RIN3: variants seen among roughly 807,000 people sequenced by gnomAD.
The protein encoded by RIN3 is Ras and Rab interactor 3, also known as RAB5 interacting protein 3.
In RIN3, 54 loss-of-function variants were observed where a neutral mutation model predicts 76.3. That is an observed-to-expected ratio of 0.71 (90% CI 0.57 to 0.89). The LOEUF (loss-of-function observed/expected upper bound fraction) is 0.89, where lower values mean the gene tolerates loss of function less well. Ranked by LOEUF, RIN3 falls within the 40% of genes least tolerant of loss-of-function variation. RIN3 has a pLI of 0.00. For missense variants in RIN3, 1,256 were observed against 1,322.1 expected, an observed-to-expected ratio of 0.95 and a Z score of 0.78; for synonymous variants, 576 against 564.0, an observed-to-expected ratio of 1.02 and a Z score of -0.30.
chr14:92,659,667 ATGATCGGCT>A (rs1887808006), intron 7 of RIN3, 198 bp downstream of exon 7: 1 of 494,676 alleles, frequency 2.0e-6, no homozygotes, highest in Non-Finnish European at 3.5e-6. Flanking sequence ...GAGGAGAGCC[ATGATCGGCT>A]GTTGCCCTGG....
chr14:92,557,812 A>G (rs1160656322), intron 2 of RIN3, among the ~76,000 whole-genome samples: 1 of 152,218 alleles, frequency 6.6e-6, no homozygotes, highest in African/African-American at 2.4e-5. Context: ...GTTCTCAGGA[A>G]TGAGCTTCCC....
intron 3 of RIN3, among the ~76,000 whole-genome samples, chr14:92,582,888 CT>C (rs1187894994): frequency 6.6e-6 from 1 of 152,168 alleles, no homozygotes; most frequent in Non-Finnish European, 1.5e-5. Context: ...GCTCCTGCCT[CT>C]TTGCTCTCTT....
At chr14:92,547,498 G>A (rs1462754784) in intron 1 of RIN3, among the ~76,000 whole-genome samples, 1 of 150,100 alleles carries the variant, frequency 6.7e-6, no homozygotes, top group Non-Finnish European at 1.5e-5. Flanking sequence ...AGGCTCAAGC[G>A]ATCCTCCTGC....
chr14:92,556,891 T>C (rs1897599756), intron 2 of RIN3, among the ~76,000 whole-genome samples: 1 of 152,188 alleles, frequency 6.6e-6, no homozygotes, highest in Non-Finnish European at 1.5e-5. Context: ...GAAATTCACA[T>C]AATATAAAAT....
intron 2 of RIN3, among the ~76,000 whole-genome samples, chr14:92,573,393 A>G (rs1054137079): frequency 6.6e-6 from 1 of 152,216 alleles, no homozygotes; most frequent in Non-Finnish European, 1.5e-5. Context: ...TGTGTTCACC[A>G]GCCAGAAAGT....
At chr14:92,666,904 C>T (rs1265252163) in intron 7 of RIN3, among the ~76,000 whole-genome samples, 3 of 152,334 alleles carry the variant, frequency 2.0e-5, no homozygotes, top group Admixed American at 6.5e-5. Context: ...ATACCACCCA[C>T]GTGAGCTTCT....
chr14:92,578,927 T>C (rs959140740), intron 3 of RIN3, among the ~76,000 whole-genome samples: 1 of 151,904 alleles, frequency 6.6e-6, no homozygotes, highest in Non-Finnish European at 1.5e-5. Flanking sequence ...TTTATTCTTT[T>C]CTTTTCTTTT....
intron 1 of RIN3, among the ~76,000 whole-genome samples, chr14:92,535,334 C>CTTT (rs5810602): frequency 8.5e-5 from 11 of 129,982 alleles, no homozygotes; most frequent in East Asian, 4.2e-4. Context: ...TTCTTTCTTT[C>CTTT]TTTTTTTTTT....
chr14:92,679,971 CTGCAG>C (rs1251343475), intron 8 of RIN3, among the ~76,000 whole-genome samples: 18 of 152,298 alleles, frequency 1.2e-4, no homozygotes, highest in Non-Finnish European at 2.5e-4. Flanking sequence ...CTCTCGTATT[CTGCAG>C]TGGTGGCTTG....
chr14:92,556,574 A>C (rs1897588720), intron 2 of RIN3, among the ~76,000 whole-genome samples: 1 of 145,190 alleles, frequency 6.9e-6, no homozygotes, highest in South Asian at 2.3e-4. Context: ...ATGGACAGAC[A>C]GACAGATGGA....
At chr14:92,613,195 G>A (rs1300180402) in intron 3 of RIN3, among the ~76,000 whole-genome samples, 1 of 152,066 alleles carries the variant, frequency 6.6e-6, no homozygotes, top group African/African-American at 2.4e-5. Flanking sequence ...TCCCCTCTCT[G>A]CTGCCGGAAG....
intron 1 of RIN3, among the ~76,000 whole-genome samples, chr14:92,535,906 T>A (rs1896989766): frequency 6.6e-6 from 1 of 152,012 alleles, no homozygotes; most frequent in East Asian, 1.9e-4. Flanking sequence ...TGGAACTGAT[T>A]TTTTAAGTTG....
At chr14:92,687,441 G>C (rs111989600) in intron 9 of RIN3, 9 of 155,200 alleles carry the variant, frequency 5.8e-5, no homozygotes, top group African/African-American at 1.9e-4. Flanking sequence ...CCTGCCCCAC[G>C]CAGCTCCTCA....
At chr14:92,613,924 G>A (rs182395119) in intron 3 of RIN3, among the ~76,000 whole-genome samples, 1 of 152,348 alleles carries the variant, frequency 6.6e-6, no homozygotes, top group Admixed American at 6.5e-5. Context: ...ATTTGAGTGT[G>A]AGGATGAGTC....
intron 2 of RIN3, among the ~76,000 whole-genome samples, chr14:92,561,306 A>G (rs984198892): frequency 1.3e-5 from 2 of 151,272 alleles, no homozygotes; most frequent in Admixed American, 1.3e-4. Context: ...CTAGGGATTC[A>G]GGCCCTTTGT....
In RIN3 at chr14:92,555,917, G is replaced by A; in HGVS notation, c.211G>A (p.Ala71Thr). 6.2e-7 allele frequency: 1 copy of A among 1,613,556 alleles called. No individual in the cohort carries two copies. Among genetic ancestry groups the A allele is most frequent in the Non-Finnish European group, 8.5e-7 (1 of 1,180,016 alleles). Residue 71 changes from alanine to threonine, a missense_variant, in exon 2 of 10, where the codon GCA becomes ACA. Ala to Thr is a moderately conservative substitution (Grantham distance 58). Transcript: ENST00000216487. ...PVWLQLSLGQAEVARILHRVV... is the reference protein window; with the variant it reads ...PVWLQLSLGQTEVARILHRVV... ...GTGGCTGCAGCTGAGTCTGGGCCAG[G>A]CAGAGGTGGCCAGGATCCTGCACCG...
chr14:92,672,659 CATGT>C (rs765090570), intron 7 of RIN3, among the ~76,000 whole-genome samples: 1 of 105,002 alleles, frequency 9.5e-6, no homozygotes, highest in African/African-American at 3.2e-5. Context: ...TATGTGTGTG[CATGT>C]GTGTGTGTGT....
intron 1 of RIN3, among the ~76,000 whole-genome samples, chr14:92,543,678 G>A (rs1375435366): frequency 7.3e-6 from 1 of 137,728 alleles, no homozygotes; most frequent in African/African-American, 2.7e-5. Flanking sequence ...CGCTTCTGGG[G>A]TTCAAGAGAT....
At position 92,652,056 on chromosome 14, in the gene RIN3, C is replaced by T. The variant is rs762932185; in HGVS notation, c.1007C>T (p.Pro336Leu). Residue 336 changes from proline to leucine, a missense_variant, in exon 6 of 10, where the codon CCG (proline) becomes CTG (leucine). This residue lies in a region of RIN3 where 610 missense variants were observed against 626.4 expected (regional missense o/e 0.97). Coordinates refer to ENST00000216487, the MANE Select transcript of RIN3 (RefSeq NM_024832.5). The surrounding 1 kb of genome is among the most constrained non-coding windows in gnomAD (Gnocchi z 6.4). ...APGPPDHPNQ[P>L]PMMTCERLPC... ...GGTCCCCCAGACCATCCGAACCAGC[C>T]GCCCATGATGACCTGCGAGAGACTC... The T allele has an allele frequency of 4.4e-6, 7 of 1,602,894 alleles. No individual in the cohort carries two copies. The highest frequency in any genetic ancestry group is 1.1e-5 in the South Asian group (1 of 91,022).
Sources: allele counts gnomAD v4.1 joint callset (sites outside exome capture counted in the v4.1 genomes callset), GRCh38; gene constraint gnomAD v4.1.1; regional missense constraint gnomAD v4.1.1; non-coding constraint Gnocchi (gnomAD v3.1); transcripts MANE v1.5; gene names NCBI Gene and HGNC (gene_info 2026-07-23, HGNC 2026-07-21).